The following ZNF385B variants were observed in gnomAD, a reference collection of about 807,000 sequenced individuals.
ZNF385B encodes zinc finger protein 533.
A neutral mutation model predicts 39.2 loss-of-function variants in ZNF385B; 23 were observed. That is an observed-to-expected ratio of 0.59 (90% CI 0.42 to 0.83). ZNF385B has a LOEUF of 0.83. ZNF385B is among the 40% of genes least tolerant of loss of function. The pLI is 0.00. For missense variants in ZNF385B, 552 were observed against 598.9 expected (o/e 0.92, Z 0.82); for synonymous variants, 205 against 222.6 (o/e 0.92, Z 0.70).
rs573897110 is a variant in ZNF385B at position 179,858,093 on chromosome 2, G to A, written c.-155+3008C>T. Among the ~76,000 whole-genome samples the A allele has an allele frequency of 5.9e-3, 895 of 152,212 alleles. 13 individuals carry two copies. Among genetic ancestry groups the A allele is most frequent in the African/African-American group, 0.021 (867 of 41,526 alleles). On this transcript the variant is annotated intron_variant, in intron 1 of 9. Coordinates refer to ENST00000410066, the MANE Select transcript of ZNF385B (RefSeq NM_152520.6). ...AGAATGGAGATGGGAAACGAGTCAG[G>A]AAGCCACTGTGACAGCCTCTAGAAA...
At chr2:179,849,315 A>G (rs1196824273) in intron 1 of ZNF385B, among the ~76,000 whole-genome samples, 1 of 152,240 alleles carries the variant, frequency 6.6e-6, no homozygotes, top group Admixed American at 6.5e-5. Flanking sequence ...ACTGAGCCTT[A>G]AAATCATCAT....
At chr2:179,761,756 C>CTTTTT (rs1420842226) in intron 3 of ZNF385B, among the ~76,000 whole-genome samples, 1 of 109,588 alleles carries the variant, frequency 9.1e-6, no homozygotes. Context: ...CATTTTTTTT[C>CTTTTT]TTTTCTTTTT....
intron 3 of ZNF385B, among the ~76,000 whole-genome samples, chr2:179,654,147 A>G (rs1450010651): frequency 6.6e-6 from 1 of 152,112 alleles, no homozygotes; most frequent in African/African-American, 2.4e-5. Flanking sequence ...ATGGCACTGA[A>G]TCTTAACCTA....
At chr2:179,487,707 G>A (rs1175179925) in intron 5 of ZNF385B, among the ~76,000 whole-genome samples, 1 of 152,188 alleles carries the variant, frequency 6.6e-6, no homozygotes, top group Admixed American at 6.5e-5. Context: ...ACACATGCTT[G>A]TCTAGCAGTA....
intron 3 of ZNF385B, among the ~76,000 whole-genome samples, chr2:179,697,450 C>T (rs1165771000): frequency 1.3e-5 from 2 of 152,192 alleles, no homozygotes; most frequent in East Asian, 3.9e-4. Flanking sequence ...CTTGTTTCCC[C>T]TTCGCCTTCC....
At chr2:179,810,910 T>G (rs1706693137) in intron 1 of ZNF385B, among the ~76,000 whole-genome samples, 1 of 152,082 alleles carries the variant, frequency 6.6e-6, no homozygotes, top group Admixed American at 6.6e-5. Flanking sequence ...TAGAAAACCC[T>G]GCAGACTCCA....
chr2:179,772,239 T>C (rs1308920705), intron 1 of ZNF385B, among the ~76,000 whole-genome samples: 4 of 152,214 alleles, frequency 2.6e-5, no homozygotes, highest in Admixed American at 1.3e-4. Context: ...AAAAAATAAA[T>C]GGCTCTTCTA....
chr2:179,512,946 T>A (rs1517704), intron 5 of ZNF385B, among the ~76,000 whole-genome samples: 108,019 of 152,050 alleles, frequency 0.71, 39,462 homozygotes, highest in East Asian at 0.91. Context: ...TGAGATGATA[T>A]AAGCTAGACA....
chr2:179,494,577 T>G (rs1043484256), intron 5 of ZNF385B, among the ~76,000 whole-genome samples: 1 of 152,192 alleles, frequency 6.6e-6, no homozygotes, highest in Non-Finnish European at 1.5e-5. Flanking sequence ...TTCAGCTAGC[T>G]AGCAATTACT....
chr2:179,638,080 A>G (rs1691921595), intron 3 of ZNF385B, among the ~76,000 whole-genome samples: 1 of 152,240 alleles, frequency 6.6e-6, no homozygotes, highest in Non-Finnish European at 1.5e-5. Context: ...AATAGACTAT[A>G]TTAAAAAACA....
chr2:179,554,419 T>C (rs939926085), intron 3 of ZNF385B, among the ~76,000 whole-genome samples: 1 of 149,120 alleles, frequency 6.7e-6, no homozygotes, highest in African/African-American at 2.5e-5. Flanking sequence ...GGAGCGGAAC[T>C]GTATAAACAA....
At chr2:179,652,822 A>G (rs1259022795) in intron 3 of ZNF385B, among the ~76,000 whole-genome samples, 5 of 140,374 alleles carry the variant, frequency 3.6e-5, no homozygotes, top group African/African-American at 1.3e-4. Context: ...GGTCATCTCA[A>G]TTGTTTAGAA....
At chr2:179,574,733 AGTAT>A (rs755258628) in intron 3 of ZNF385B, among the ~76,000 whole-genome samples, 11 of 152,170 alleles carry the variant, frequency 7.2e-5, no homozygotes, top group Admixed American at 3.9e-4. Context: ...AACATTTATA[AGTAT>A]GGACACAACA....
chr2:179,625,278 C>T (rs986648707), intron 3 of ZNF385B, among the ~76,000 whole-genome samples: 1 of 151,974 alleles, frequency 6.6e-6, no homozygotes, highest in African/African-American at 2.4e-5. Context: ...TATCACTTTG[C>T]CTACTGGGAA....
intron 3 of ZNF385B, among the ~76,000 whole-genome samples, chr2:179,681,648 C>T (rs977629681): frequency 1.3e-5 from 2 of 152,228 alleles, no homozygotes; most frequent in South Asian, 4.2e-4. Flanking sequence ...CAATGGGTAT[C>T]AGGAAAAAGA....
chr2:179,721,045 A>G (rs1700669005), intron 3 of ZNF385B, among the ~76,000 whole-genome samples: 1 of 151,316 alleles, frequency 6.6e-6, no homozygotes, highest in South Asian at 2.1e-4. Flanking sequence ...CTGGGACTAC[A>G]GAAATGAGCC....
chr2:179,858,924 A>C (rs1684815475), intron 1 of ZNF385B, among the ~76,000 whole-genome samples: 1 of 152,214 alleles, frequency 6.6e-6, no homozygotes, highest in Non-Finnish European at 1.5e-5. Flanking sequence ...CTTGGAAAAA[A>C]AGTCTAAGGG....
chr2:179,754,927 C>G (rs878923205), intron 3 of ZNF385B, among the ~76,000 whole-genome samples: 1 of 152,110 alleles, frequency 6.6e-6, no homozygotes, highest in Non-Finnish European at 1.5e-5. Flanking sequence ...GTGTCTCTAT[C>G]TCCTTCACTT....
intron 4 of ZNF385B, among the ~76,000 whole-genome samples, chr2:179,520,294 A>T (rs1426741429): frequency 1.3e-5 from 2 of 152,098 alleles, no homozygotes; most frequent in African/African-American, 4.8e-5. Context: ...TCAATTTTAT[A>T]TATTATAATT....
Sources: allele counts gnomAD v4.1 joint callset (sites outside exome capture counted in the v4.1 genomes callset), GRCh38; gene constraint gnomAD v4.1.1; transcripts MANE v1.5; gene names NCBI Gene and HGNC (gene_info 2026-07-23, HGNC 2026-07-21).